SMC3: variants seen among roughly 807,000 people sequenced by gnomAD.
SMC3 encodes structural maintenance of chromosomes 3, also known as structural maintenance of chromosomes protein 3.
SMC3 carries 20 observed loss-of-function variants against 171.8 expected under a neutral mutation model. That is an observed-to-expected ratio of 0.12 (90% confidence interval 0.08 to 0.17). The LOEUF is 0.17. Among genes scored for constraint, SMC3 ranks in the 10% least tolerant of loss-of-function variants. The pLI is 1.00. For missense variants in SMC3, 543 were observed against 1,420.4 expected (o/e 0.38, Z 9.93); for synonymous variants, 464 against 451.1 (o/e 1.03, Z -0.36).
chr10:110,581,942 C>T lies in SMC3; in HGVS notation c.567C>T (p.Ile189=), dbSNP rs764784891. The T allele has an allele frequency of 6.2e-7, 1 of 1,613,548 alleles. No homozygotes were observed. Among genetic ancestry groups the T allele is most frequent in the African/African-American group, 1.3e-5 (1 of 74,974 alleles). ...TTTAAGAGGGCAAACGGGAAAAAATCAATGAGTTGTTAAAATACATTGAAG... is the reference window on the plus strand; with the variant it reads ...TTTAAGAGGGCAAACGGGAAAAAATTAATGAGTTGTTAAAATACATTGAAG... ...MKETEGKREK[I]NELLKYIEER... Residue 189 remains isoleucine, a synonymous_variant, in exon 9 of 29, where the codon ATC becomes ATT. Coordinates refer to ENST00000361804, the MANE Select transcript of SMC3 (RefSeq NM_005445.4).
intron 22 of SMC3, among the ~76,000 whole-genome samples, 198 bp from the exon 23 acceptor site, chr10:110,600,824 G>A (rs910394840): frequency 6.6e-6 from 1 of 152,068 alleles, no homozygotes; most frequent in African/African-American, 2.4e-5. Context: ...TATTTTTTCA[G>A]TGGTGGTTAG....
At chr10:110,572,389 A>G (rs1860885479) in intron 2 of SMC3, among the ~76,000 whole-genome samples, 1 of 152,198 alleles carries the variant, frequency 6.6e-6, no homozygotes. Flanking sequence ...TACAGGATCT[A>G]ATTTAGGAGC....
chr10:110,583,446 A>G lies in SMC3; in HGVS notation c.867A>G (p.Glu289=). ...TKISAMKEEK[E]QLSAERQEQI... is the part of the protein sequence containing the mutation. ...TTTCAGCTATGAAAGAAGAAAAAGA[A>G]CAGCTTAGTGCTGAAAGACAAGAGC... Residue 289 remains glutamate (E), a synonymous_variant, in exon 11 of 29, where the codon GAA becomes GAG. Coordinates refer to ENST00000361804, the MANE Select transcript of SMC3 (RefSeq NM_005445.4). The G allele has an allele frequency of 1.9e-6, 3 of 1,614,118 alleles. No individual in the cohort carries two copies. Among genetic ancestry groups the G allele is most frequent in the Non-Finnish European group, 1.7e-6 (2 of 1,179,952 alleles).
At chr10:110,599,876 C>CT in intron 21 of SMC3, 64 bp downstream of exon 21, 1 of 1,432,026 alleles carries the variant, frequency 7.0e-7, no homozygotes, top group Non-Finnish European at 9.8e-7. Context: ...AAGGGCCTTT[C>CT]TTGCTAACTA....
intron 13 of SMC3, among the ~76,000 whole-genome samples, chr10:110,587,831 G>C (rs1223187858): frequency 6.6e-6 from 1 of 152,150 alleles, no homozygotes; most frequent in Non-Finnish European, 1.5e-5. Context: ...TTTAGCATGT[G>C]TTCAGATAGC....
Position 110,577,563 on chromosome 10 carries a change from ACTTTTTAAG to A in SMC3, c.270+77_270+85del, listed in dbSNP as rs1209005448. The A allele has an allele frequency of 5.7e-5, 62 of 1,085,136 alleles. No individual in the cohort carries two copies. In the African/African-American group the frequency reaches 9.0e-4, roughly 16 times the overall value. 67.2% of individuals were successfully genotyped at this position (1,085,136 alleles called of 1,614,324 possible). ...TAGCTGATTTTCTTCATACTTTGAA[ACTTTTTAAG>A]CTTTTATAATTTGTTATAATTACAG... is the stretch of plus-strand genomic sequence containing the variant. On this transcript the variant is annotated intron_variant, in intron 5 of 28. Coordinates refer to ENST00000361804, the MANE Select transcript of SMC3 (RefSeq NM_005445.4).
At chr10:110,593,029 T>G in intron 17 of SMC3, 44 bp from the exon 18 acceptor site, 1 of 1,482,090 alleles carries the variant, frequency 6.7e-7, no homozygotes, top group South Asian at 1.1e-5. Flanking sequence ...AAGTTCTTAG[T>G]TAACTGTGTT....
At chr10:110,570,658 ATAAATGATCTG>A (rs1303996707) in intron 2 of SMC3, among the ~76,000 whole-genome samples, 2 of 152,220 alleles carry the variant, frequency 1.3e-5, no homozygotes, top group African/African-American at 4.8e-5. Flanking sequence ...GTGTGATTTT[ATAAATGATCTG>A]TAACTTACTA....
chr10:110,568,892 AT>A (rs149144103), intron 1 of SMC3, 45 bp from the exon 2 acceptor site: 50 of 1,103,946 alleles, frequency 4.5e-5, no homozygotes, highest in Non-Finnish European at 5.4e-5. Flanking sequence ...AAAAATGTTA[AT>A]TTTTTTTGTG....
intron 18 of SMC3, 123 bp from the exon 19 acceptor site, chr10:110,596,275 G>T: frequency 1.1e-6 from 1 of 877,542 alleles, no homozygotes. Flanking sequence ...TTTTCAGGGT[G>T]GTTTAAATTA....
At chr10:110,576,561 T>A (rs1860953825) in intron 4 of SMC3, among the ~76,000 whole-genome samples, 1 of 152,224 alleles carries the variant, frequency 6.6e-6, no homozygotes, top group African/African-American at 2.4e-5. Context: ...ATATTGTTTA[T>A]TAAAGACTAG....
At chr10:110,590,936 A>T (rs1174341091) in intron 16 of SMC3, 55 bp from the exon 17 acceptor site, 55 of 1,553,674 alleles carry the variant, frequency 3.5e-5, no homozygotes, top group Non-Finnish European at 4.6e-5. Context: ...AGTTTGGGCA[A>T]CATAGGGAGA....
chr10:110,587,626 C>T (rs1861142142), intron 13 of SMC3, among the ~76,000 whole-genome samples: 1 of 150,270 alleles, frequency 6.7e-6, no homozygotes, highest in South Asian at 2.1e-4. Flanking sequence ...GCAGAGCTTG[C>T]AGTGAGCCAA....
chr10:110,588,164 G>T (rs1285544451), intron 13 of SMC3, among the ~76,000 whole-genome samples: 3 of 152,104 alleles, frequency 2.0e-5, no homozygotes, highest in African/African-American at 7.2e-5. Context: ...GCTAATTTTT[G>T]TATTTTCAGT....
rs199936534 is a variant in SMC3, at chr10:110,577,840, T to A, written c.276T>A (p.Asp92Glu). Residue 92 changes from aspartate to glutamate, a missense_variant, in exon 6 of 29, where the codon GAT (aspartate) becomes GAA (glutamate). By Grantham distance (45) the Asp-to-Glu change is conservative. Coordinates refer to ENST00000361804, the MANE Select transcript of SMC3 (RefSeq NM_005445.4). ...GCTTTTACATTTTTTCTTAGATCGA[T>A]AAAGAGGAAGTTTCACTTCGAAGAG... is the stretch of plus-strand genomic sequence containing the variant. ...FDNSDNRLPI[D>E]KEEVSLRRVI... The A allele has an allele frequency of 6.2e-7, 1 of 1,608,782 alleles. No individual in the cohort carries two copies. Among genetic ancestry groups the A allele is most frequent in the Non-Finnish European group, 8.5e-7 (1 of 1,175,492 alleles).
intron 2 of SMC3, among the ~76,000 whole-genome samples, chr10:110,570,824 A>G (rs1860860169): frequency 6.6e-6 from 1 of 152,222 alleles, no homozygotes. Flanking sequence ...TTTAACTAAA[A>G]CAAATGAACC....
chr10:110,593,306 T>C, intron 18 of SMC3, 83 bp downstream of exon 18: 1 of 1,392,880 alleles, frequency 7.2e-7, no homozygotes, highest in Non-Finnish European at 1.0e-6. Flanking sequence ...GCGCAGTGGC[T>C]CATGCCTGTA....
In SMC3 at chr10:110,601,685, A is replaced by G. The variant is rs750237224; in HGVS notation, c.2693A>G (p.Gln898Arg). ...DKTEAGIKEL[Q>R]KSMERWKNME... ...ACAGAAGCTGGAATTAAGGAGCTTC[A>G]GAAGAGTATGGAGCGCTGGAAAAAT... The change falls in exon 24 of 29, where the codon CAG becomes CGG. Residue 898 changes from glutamine (Q) to arginine (R), a missense_variant. Gln to Arg is a conservative substitution (Grantham distance 43). This residue lies in a region of SMC3 where 81 missense variants were observed against 184.2 expected (regional missense o/e 0.44). Coordinates refer to ENST00000361804, the MANE Select transcript of SMC3 (RefSeq NM_005445.4). The G allele has an allele frequency of 6.2e-7, 1 of 1,613,076 alleles. No individual in the cohort carries two copies.
At chr10:110,598,410 C>CTTTT in intron 20 of SMC3, 120 bp downstream of exon 20, 1 of 889,538 alleles carries the variant, frequency 1.1e-6, no homozygotes, top group Non-Finnish European at 1.7e-6. Flanking sequence ...TGGACCCATA[C>CTTTT]TTTTTTTTTT....
Sources: gnomAD v4.1 joint callset for allele counts (sites outside exome capture counted in the v4.1 genomes callset) on GRCh38, gnomAD v4.1.1 for gene constraint, gnomAD v4.1.1 regional missense constraint, MANE v1.5 for transcripts, NCBI Gene and HGNC (gene_info 2026-07-23, HGNC 2026-07-21) for gene names.